The following LGR6 variants were observed in gnomAD, a reference collection of about 807,000 sequenced individuals.
The protein encoded by LGR6 is leucine-rich repeat-containing G protein-coupled receptor 6.
Under a neutral mutation model 69.4 loss-of-function variants are expected in LGR6, and 45 were observed. The ratio of observed to expected loss-of-function variants is 0.65; its 90% CI spans 0.51 to 0.83. LGR6 has a LOEUF of 0.83. Ranked by LOEUF, LGR6 falls within the 40% of genes least tolerant of loss-of-function variation. The probability of loss-of-function intolerance (pLI) is 0.00; values close to 1 mark genes in which losing one functional copy is unlikely to be tolerated. For missense variants in LGR6, 1,108 were observed against 1,246.7 expected (o/e 0.89, Z 1.68); for synonymous variants, 538 against 555.0 (o/e 0.97, Z 0.43).
At chr1:202,305,032 A>C (rs1667881006) in intron 11 of LGR6, among the ~76,000 whole-genome samples, 1 of 152,020 alleles carries the variant, frequency 6.6e-6, no homozygotes, top group African/African-American at 2.4e-5. Flanking sequence ...AGTCAAGGGG[A>C]GTTTTCCTCT....
intron 4 of LGR6, among the ~76,000 whole-genome samples, chr1:202,238,404 G>A (rs995780597): frequency 9.9e-5 from 13 of 131,298 alleles, no homozygotes; most frequent in Non-Finnish European, 1.6e-4. Context: ...ACTGTGCCCA[G>A]CCTGATCCTT....
intron 6 of LGR6, among the ~76,000 whole-genome samples, chr1:202,289,337 G>A (rs549187481): frequency 7.9e-5 from 12 of 152,118 alleles, no homozygotes; most frequent in Non-Finnish European, 1.2e-4. Context: ...CAATTGGGCC[G>A]GAATCTCAGA....
At chr1:202,221,484 T>C (rs956434815) in intron 1 of LGR6, among the ~76,000 whole-genome samples, 2 of 152,054 alleles carry the variant, frequency 1.3e-5, no homozygotes, top group Non-Finnish European at 2.9e-5. Flanking sequence ...TCCATTCCCC[T>C]CCTGCACGTC....
At chr1:202,270,643 C>T (rs2993444) in intron 4 of LGR6, among the ~76,000 whole-genome samples, 68,669 of 152,086 alleles carry the variant, frequency 0.45, 16,894 homozygotes, top group East Asian at 0.7. Context: ...GGCTGGAAGG[C>T]TCCTTCAGGC....
chr1:202,302,441 G>A (rs146877919), intron 9 of LGR6, among the ~76,000 whole-genome samples: 50 of 152,266 alleles, frequency 3.3e-4, no homozygotes, highest in African/African-American at 1.1e-3. Flanking sequence ...CTGCGCTGCT[G>A]TTGCATGCAG....
At chr1:202,261,627 T>C (rs1277873900) in intron 4 of LGR6, among the ~76,000 whole-genome samples, 2 of 152,230 alleles carry the variant, frequency 1.3e-5, no homozygotes, top group East Asian at 3.8e-4. Context: ...TCAAATGGTA[T>C]TTCTAGTTCT....
Position 202,195,509 on chromosome 1 carries a change from G to T in LGR6, c.212+1308G>T, listed in dbSNP as rs1239824801. 4.6e-5 allele frequency among the ~76,000 whole-genome samples: 7 copies of T among 152,164 alleles called. No homozygotes were observed. In the East Asian group the frequency reaches 1.2e-3, roughly 25 times the overall value. On this transcript the variant is annotated intron_variant, in intron 1 of 17. Coordinates refer to ENST00000367278, the MANE Select transcript of LGR6 (RefSeq NM_001017403.2). Reference sequence around the variant, plus strand: ...GAGAAAAATAATGTCCATCTAGAAGGACAAATGGAATCCTTCACAGTGCAG... The same window carrying T: ...GAGAAAAATAATGTCCATCTAGAAGTACAAATGGAATCCTTCACAGTGCAG...
chr1:202,291,979 A>G (rs1666827592), intron 6 of LGR6, among the ~76,000 whole-genome samples: 1 of 152,214 alleles, frequency 6.6e-6, no homozygotes, highest in African/African-American at 2.4e-5. Flanking sequence ...GGAGAAAGGT[A>G]TAGTTGGACC....
intron 7 of LGR6, among the ~76,000 whole-genome samples, chr1:202,299,114 G>A (rs571424612): frequency 2.0e-5 from 3 of 152,090 alleles, no homozygotes; most frequent in Non-Finnish European, 2.9e-5. Context: ...ACAAAAATCA[G>A]CCCAGCGTAG....
chr1:202,297,452 C>T (rs910427738), intron 6 of LGR6, 56 bp from the exon 7 acceptor site: 15 of 1,427,196 alleles, frequency 1.1e-5, no homozygotes, highest in Non-Finnish European at 1.5e-5. Context: ...TTCTCAGGGA[C>T]CCTGACATGC....
chr1:202,248,483 C>G (rs1662944223), intron 4 of LGR6, among the ~76,000 whole-genome samples: 1 of 152,228 alleles, frequency 6.6e-6, no homozygotes, highest in African/African-American at 2.4e-5. Context: ...CTTCCCTCCC[C>G]TCACCACCCT....
intron 2 of LGR6, 41 bp from the exon 3 acceptor site, chr1:202,227,895 G>A (rs747900708): frequency 2.7e-6 from 4 of 1,488,416 alleles, no homozygotes; most frequent in African/African-American, 2.8e-5. Flanking sequence ...ACCTCCTTGG[G>A]TTACCTGCCA....
intron 9 of LGR6, among the ~76,000 whole-genome samples, chr1:202,301,931 C>T (rs1392051859): frequency 6.6e-6 from 1 of 152,082 alleles, no homozygotes; most frequent in African/African-American, 2.4e-5. Flanking sequence ...AGGCAGAGGA[C>T]TCGCTTGAAC....
chr1:202,205,153 C>A (rs528216368), intron 1 of LGR6, among the ~76,000 whole-genome samples: 8 of 96,864 alleles, frequency 8.3e-5, no homozygotes, highest in Admixed American at 4.0e-4. Flanking sequence ...CACACCTCCA[C>A]ACACACCTAA....
At chr1:202,272,721 G>A (rs1171034208) in intron 4 of LGR6, among the ~76,000 whole-genome samples, 1 of 152,200 alleles carries the variant, frequency 6.6e-6, no homozygotes, top group Non-Finnish European at 1.5e-5. Flanking sequence ...GACTAACCAG[G>A]ACTGTAGGTT....
chr1:202,215,422 C>T (rs1027388754), intron 1 of LGR6, among the ~76,000 whole-genome samples: 5 of 152,130 alleles, frequency 3.3e-5, no homozygotes, highest in African/African-American at 7.2e-5. Context: ...TAGGATATCT[C>T]AGTCCTTCTT....
chr1:202,237,751 C>T (rs1661704172), intron 4 of LGR6, among the ~76,000 whole-genome samples: 1 of 152,180 alleles, frequency 6.6e-6, no homozygotes, highest in Non-Finnish European at 1.5e-5. Flanking sequence ...AAGTCCCCCA[C>T]TCCCCCAGTT....
intron 14 of LGR6, 113 bp downstream of exon 14, chr1:202,307,514 A>T (rs968340398): frequency 1.4e-4 from 121 of 837,766 alleles, no homozygotes; most frequent in Middle Eastern, 1.0e-3. Flanking sequence ...TCCCAGGGAG[A>T]TGGGCCTCAG....
chr1:202,265,934 C>G (rs1266290321), intron 4 of LGR6, among the ~76,000 whole-genome samples: 1 of 152,120 alleles, frequency 6.6e-6, no homozygotes, highest in African/African-American at 2.4e-5. Flanking sequence ...TAAAGTTGTT[C>G]AAAGCTCTGA....
Sources: gnomAD v4.1 joint callset for allele counts (sites outside exome capture counted in the v4.1 genomes callset) on GRCh38, gnomAD v4.1.1 for gene constraint, MANE v1.5 for transcripts, NCBI Gene and HGNC (gene_info 2026-07-23, HGNC 2026-07-21) for gene names.